The following PTGER3 variants were observed in gnomAD, a reference collection of about 807,000 sequenced individuals.
The protein encoded by PTGER3 is prostaglandin E2 receptor EP3 subtype.
A neutral mutation model predicts 34.7 loss-of-function variants in PTGER3; 22 were observed. That is an observed-to-expected ratio of 0.63 (90% CI 0.45 to 0.91). The LOEUF (loss-of-function observed/expected upper bound fraction) is 0.91, where lower values mean the gene tolerates loss of function less well. Ranked by LOEUF, PTGER3 falls within the 40% of genes least tolerant of loss-of-function variation. PTGER3 has a pLI of 0.00. For missense variants in PTGER3, 468 were observed against 519.4 expected (o/e 0.90, Z 0.96); for synonymous variants, 241 against 230.1 (o/e 1.05, Z -0.43).
intron 4 of PTGER3, among the ~76,000 whole-genome samples, chr1:70,879,088 G>A (rs1459600851): frequency 2.6e-5 from 4 of 152,084 alleles, no homozygotes; most frequent in Non-Finnish European, 4.4e-5. Flanking sequence ...TCCTAGTATT[G>A]TTGTGTGGTT....
intron 1 of PTGER3, among the ~76,000 whole-genome samples, chr1:71,037,963 T>C (rs1659982642): frequency 1.3e-5 from 2 of 152,218 alleles, no homozygotes; most frequent in African/African-American, 2.4e-5. Flanking sequence ...AATATGAAAG[T>C]GTGTGATCTG....
At chr1:70,863,949 G>A (rs554641972) in intron 4 of PTGER3, among the ~76,000 whole-genome samples, 1 of 152,246 alleles carries the variant, frequency 6.6e-6, no homozygotes, top group South Asian at 2.1e-4. Flanking sequence ...AGGCAATAGA[G>A]AATCATGGAA....
chr1:71,010,190 G>A, intron 2 of PTGER3: 3 of 983,888 alleles, frequency 3.0e-6, no homozygotes, highest in Non-Finnish European at 3.6e-6. Flanking sequence ...TGATAGTAAT[G>A]TCCACTATCA....
intron 1 of PTGER3, among the ~76,000 whole-genome samples, chr1:71,012,829 AC>A (rs1417212047): frequency 1.3e-5 from 2 of 152,242 alleles, no homozygotes; most frequent in African/African-American, 4.8e-5. Context: ...ATGAGAGCCA[AC>A]ACTTCAACAA....
intron 4 of PTGER3, among the ~76,000 whole-genome samples, chr1:70,943,368 C>A (rs528975137): frequency 1.3e-5 from 2 of 152,206 alleles, no homozygotes; most frequent in Admixed American, 6.5e-5. Context: ...GATTTTGATA[C>A]ACGATTTCAT....
intron 1 of PTGER3, among the ~76,000 whole-genome samples, chr1:71,033,385 C>A (rs979776183): frequency 5.9e-5 from 9 of 152,204 alleles, no homozygotes; most frequent in Admixed American, 3.9e-4. Context: ...ACATACCTTT[C>A]TGCAATCCAG....
At chr1:70,952,820 C>T in exon 4 of PTGER3, 1 of 1,412,194 alleles carries the variant, frequency 7.1e-7, no homozygotes, top group Non-Finnish European at 9.3e-7. Flanking sequence ...GGAAAGTGCT[C>T]AAAATAAGCA....
chr1:70,985,404 G>A (rs746813917), intron 2 of PTGER3, among the ~76,000 whole-genome samples: 13 of 152,106 alleles, frequency 8.5e-5, no homozygotes, highest in Non-Finnish European at 1.9e-4. Context: ...TATTGTTGGA[G>A]GCCAAAAGAG....
chr1:71,007,435 G>A, intron 2 of PTGER3: 1 of 985,506 alleles, frequency 1.0e-6, no homozygotes, highest in Non-Finnish European at 1.2e-6. Flanking sequence ...CTTATCATTT[G>A]CTTTGACAGA....
Position 71,007,665 on chromosome 1 carries a change from A to G in PTGER3, c.1077+4640T>C, listed in dbSNP as rs570908135. 18 of 985,434 alleles carry G rather than the reference A, an allele frequency of 1.8e-5. No homozygotes were observed. The South Asian group carries it at 8.5e-4, about 46-fold the overall frequency. The allele number at this position is 985,434 out of a possible 1,614,324, so 61.0% of individuals were successfully genotyped here. Reference sequence around the variant, plus strand: ...GAACGTTGAAGTGTATTAGTAAATCACACGCATTTCCCTCTGCTTAACATT... The same window carrying G: ...GAACGTTGAAGTGTATTAGTAAATCGCACGCATTTCCCTCTGCTTAACATT... On this transcript the variant is annotated intron_variant, in intron 2 of 3. Transcript: ENST00000306666.
chr1:71,010,936 C>T, intron 2 of PTGER3: 2 of 985,340 alleles, frequency 2.0e-6, no homozygotes, highest in Non-Finnish European at 2.4e-6. Context: ...AAATAAATCT[C>T]AAGCTTTTAA....
At chr1:70,923,887 A>G (rs767830898) in intron 4 of PTGER3, among the ~76,000 whole-genome samples, 11 of 152,204 alleles carry the variant, frequency 7.2e-5, no homozygotes, top group Non-Finnish European at 1.6e-4. Flanking sequence ...TTGCAACGGG[A>G]CACAATTGGA....
chr1:70,973,897 T>A (rs1377009930), intron 3 of PTGER3, among the ~76,000 whole-genome samples: 2 of 152,150 alleles, frequency 1.3e-5, no homozygotes, highest in African/African-American at 4.8e-5. Context: ...ATAGATCTAA[T>A]CAAAAATGCG....
At chr1:70,915,089 A>G (rs549344248) in intron 4 of PTGER3, among the ~76,000 whole-genome samples, 64 of 152,044 alleles carry the variant, frequency 4.2e-4, no homozygotes, top group African/African-American at 1.5e-3. Context: ...TTATTCTATC[A>G]TCTCATAAGC....
At chr1:70,955,723 C>A (rs888630021) in intron 2 of PTGER3, among the ~76,000 whole-genome samples, 3 of 152,118 alleles carry the variant, frequency 2.0e-5, no homozygotes, top group African/African-American at 7.2e-5. Flanking sequence ...CTGATAATAT[C>A]ACTAGAAATT....
Position 71,006,885 on chromosome 1 carries a change from A to G in PTGER3, c.1077+5420T>C, listed in dbSNP as rs574881245. 2,816 of 985,438 alleles carry G rather than the reference A, an allele frequency of 2.9e-3. 8 individuals carry two copies. The highest frequency in any genetic ancestry group is 3.3e-3 in the Non-Finnish European group (2,702 of 829,926). The allele number at this position is 985,438 out of a possible 1,614,324, so 61.0% of individuals were successfully genotyped here. ...TTCAGAATATTCAACTTTATTTTCC[A>G]TTGACAAACACGACATAAATAACAC... On this transcript the variant is annotated intron_variant, in intron 2 of 3. Transcript: ENST00000306666.
At chr1:70,949,107 G>C (rs1354223204), downstream of PTGER3, among the ~76,000 whole-genome samples, 1 of 151,880 alleles carries the variant, frequency 6.6e-6, no homozygotes, top group East Asian at 1.9e-4. Flanking sequence ...TTATGCGGCG[G>C]AAGGGAGTTA....
chr1:70,989,356 G>A (rs1164048564), intron 2 of PTGER3, among the ~76,000 whole-genome samples: 1 of 152,110 alleles, frequency 6.6e-6, no homozygotes, highest in Non-Finnish European at 1.5e-5. Context: ...AATCATTTTG[G>A]TGCTCACTTA....
intron 1 of PTGER3, among the ~76,000 whole-genome samples, chr1:71,031,863 T>C (rs1659441905): frequency 6.6e-6 from 1 of 152,206 alleles, no homozygotes; most frequent in African/African-American, 2.4e-5. Flanking sequence ...CCATGCTTCC[T>C]GATATTGATC....
Sources: allele counts gnomAD v4.1 joint callset (sites outside exome capture counted in the v4.1 genomes callset), GRCh38; gene constraint gnomAD v4.1.1; transcripts MANE v1.5; gene names NCBI Gene and HGNC (gene_info 2026-07-23, HGNC 2026-07-21).